Variants in SPON1 observed in about 807,000 individuals in gnomAD.
SPON1 encodes spondin-1.
A neutral mutation model predicts 111.7 loss-of-function variants in SPON1; 52 were observed. That is an observed-to-expected ratio of 0.47 (90% CI 0.37 to 0.59). The LOEUF is 0.59. Among genes scored for constraint, SPON1 ranks in the 20% least tolerant of loss-of-function variants. The probability of loss-of-function intolerance (pLI) is 0.00; values close to 1 mark genes in which losing one functional copy is unlikely to be tolerated. For missense variants in SPON1, 957 were observed against 1,068.5 expected (o/e 0.90, Z 1.46); for synonymous variants, 410 against 395.8 (o/e 1.04, Z -0.43).
chr11:14,044,829 CTAAATAAGATG>C (rs1426953720), intron 3 of SPON1, among the ~76,000 whole-genome samples: 2 of 152,180 alleles, frequency 1.3e-5, no homozygotes, highest in East Asian at 3.8e-4. Context: ...TGGTTTTTCA[CTAAATAAGATG>C]TATTAGAGAT....
At chr11:14,188,331 G>A (rs1564927027) in intron 6 of SPON1, among the ~76,000 whole-genome samples, 1 of 152,104 alleles carries the variant, frequency 6.6e-6, no homozygotes, top group Non-Finnish European at 1.5e-5. Flanking sequence ...CAGAAGATAA[G>A]TCCTGGACAC....
chr11:14,266,311 G>GCC lies in SPON1; in HGVS notation c.*630_*631dup, dbSNP rs546900221. 6.6e-6 allele frequency: 1 copy of GCC among 151,880 alleles called. No homozygotes were observed. Among genetic ancestry groups the GCC allele is most frequent in the Non-Finnish European group, 1.5e-5 (1 of 67,996 alleles). The allele number at this position is 151,880 out of a possible 1,614,324, so 9.4% of individuals were successfully genotyped here. A position where few individuals can be genotyped will look rare whatever the true frequency, so the allele number is the denominator to read the frequency against. ...CTCACCCCTGATATTGGTTCCTGAT[G>GCC]CCCCCCCAACAAAAATAAATAAATA... On this transcript the variant is annotated 3_prime_UTR_variant, in exon 16 of 16. Coordinates refer to ENST00000576479, the MANE Select transcript of SPON1 (RefSeq NM_006108.4).
At chr11:14,151,600 C>T (rs1199098156) in intron 6 of SPON1, among the ~76,000 whole-genome samples, 1 of 152,138 alleles carries the variant, frequency 6.6e-6, no homozygotes, top group African/African-American at 2.4e-5. Flanking sequence ...ATGTCATCCT[C>T]CTGGGTTATA....
intron 6 of SPON1, among the ~76,000 whole-genome samples, chr11:14,231,990 T>C (rs1848809789): frequency 6.6e-6 from 1 of 151,944 alleles, no homozygotes; most frequent in Non-Finnish European, 1.5e-5. Context: ...TGTGTGTGTG[T>C]TTGTCTCTGT....
At chr11:14,227,397 C>T (rs185580929) in intron 6 of SPON1, among the ~76,000 whole-genome samples, 1 of 152,188 alleles carries the variant, frequency 6.6e-6, no homozygotes, top group Non-Finnish European at 1.5e-5. Context: ...CTATTTTAAC[C>T]TTTCACTTTT....
At chr11:14,205,795 T>C (rs1848511098) in intron 6 of SPON1, among the ~76,000 whole-genome samples, 1 of 152,194 alleles carries the variant, frequency 6.6e-6, no homozygotes, top group African/African-American at 2.4e-5. Flanking sequence ...GAGGCCTGAA[T>C]GGAAAGGAAG....
chr11:14,195,436 T>G (rs534460609), intron 6 of SPON1, among the ~76,000 whole-genome samples: 72 of 152,286 alleles, frequency 4.7e-4, no homozygotes, highest in African/African-American at 1.6e-3. Context: ...GGACAAAAGC[T>G]GGAATTATTA....
Position 14,257,888 on chromosome 11 carries a change from C to T in SPON1, c.1482C>T (p.Cys494=), listed in dbSNP as rs1849128432. The T allele has an allele frequency of 6.4e-7, 1 of 1,552,550 alleles. No individual in the cohort carries two copies. Among genetic ancestry groups the T allele is most frequent in the Non-Finnish European group, 8.7e-7 (1 of 1,148,922 alleles). ...TCCAGCCCTGCATGGGCCCTGGCTG[C>T]AGTGACGAAGGTGAGGAGACAACCC... The part of the protein sequence containing the change: ...QDFQPCMGPG[C]SDEDGSTCTM... The change falls in exon 11 of 16, where the codon TGC becomes TGT. Residue 494 remains cysteine, a synonymous_variant. Coordinates refer to ENST00000576479, the MANE Select transcript of SPON1 (RefSeq NM_006108.4).
chr11:14,026,432 G>C (rs181909114), intron 2 of SPON1, among the ~76,000 whole-genome samples: 2 of 152,214 alleles, frequency 1.3e-5, no homozygotes, highest in Non-Finnish European at 2.9e-5. Context: ...ATATACATCT[G>C]TGCATGATGT....
At chr11:13,971,370 C>T (rs1391271532) in intron 1 of SPON1, among the ~76,000 whole-genome samples, 1 of 152,164 alleles carries the variant, frequency 6.6e-6, no homozygotes, top group Admixed American at 6.5e-5. Flanking sequence ...GAGAAACTGG[C>T]TCTGAGTATC....
intron 7 of SPON1, among the ~76,000 whole-genome samples, chr11:14,251,319 C>T (rs1299958943): frequency 2.6e-5 from 4 of 152,338 alleles, no homozygotes; most frequent in Middle Eastern, 3.4e-3. Context: ...GGCCGCCCCA[C>T]GTTTCCCACA....
chr11:14,260,274 TTC>T (rs1323003588), intron 13 of SPON1, among the ~76,000 whole-genome samples: 3 of 152,290 alleles, frequency 2.0e-5, no homozygotes. Context: ...TGTGGGATGT[TTC>T]TGTCTCTAGG....
intron 6 of SPON1, among the ~76,000 whole-genome samples, chr11:14,191,109 C>A (rs1293626929): frequency 3.3e-5 from 5 of 152,116 alleles, no homozygotes; most frequent in African/African-American, 1.2e-4. Flanking sequence ...TTGTGAAGTT[C>A]CTCAAAAGAA....
chr11:13,993,965 G>T (rs891173452), intron 2 of SPON1, among the ~76,000 whole-genome samples: 2 of 152,256 alleles, frequency 1.3e-5, no homozygotes, highest in South Asian at 2.1e-4. Flanking sequence ...AAAACAAAAG[G>T]ATATTTGTCT....
intron 6 of SPON1, among the ~76,000 whole-genome samples, chr11:14,141,675 C>T (rs927065411): frequency 6.6e-6 from 1 of 152,166 alleles, no homozygotes; most frequent in South Asian, 2.1e-4. Context: ...TTATATGGCT[C>T]CAGGAACTGG....
chr11:14,034,315 A>G (rs1470353402), intron 2 of SPON1, among the ~76,000 whole-genome samples: 5 of 152,218 alleles, frequency 3.3e-5, no homozygotes, highest in African/African-American at 1.2e-4. Context: ...GTAAAAAGAA[A>G]TCACAGATTG....
intron 6 of SPON1, among the ~76,000 whole-genome samples, chr11:14,218,801 T>C (rs1848651125): frequency 6.6e-6 from 1 of 152,154 alleles, no homozygotes; most frequent in East Asian, 1.9e-4. Context: ...AAACTGCAAA[T>C]ATCCATTTCT....
At chr11:14,160,559 T>G (rs531536604) in intron 6 of SPON1, among the ~76,000 whole-genome samples, 1 of 24,168 alleles carries the variant, frequency 4.1e-5, no homozygotes, top group Non-Finnish European at 6.4e-5. Flanking sequence ...ATATATATAT[T>G]TATATATATA....
chr11:14,137,336 C>A (rs375771439), intron 6 of SPON1, among the ~76,000 whole-genome samples: 1 of 152,152 alleles, frequency 6.6e-6, no homozygotes, highest in Non-Finnish European at 1.5e-5. Context: ...CTGTGATTGG[C>A]TTGTATTACC....
Sources: allele counts gnomAD v4.1 joint callset (sites outside exome capture counted in the v4.1 genomes callset), GRCh38; gene constraint gnomAD v4.1.1; transcripts MANE v1.5; gene names NCBI Gene and HGNC (gene_info 2026-07-23, HGNC 2026-07-21).